PTPRG: variants seen among roughly 807,000 people sequenced by gnomAD.
The protein encoded by PTPRG is protein tyrosine phosphatase receptor type G, also known as receptor-type tyrosine-protein phosphatase gamma.
Under a neutral mutation model 165.3 loss-of-function variants are expected in PTPRG, and 102 were observed. That is an observed-to-expected ratio of 0.62 (90% CI 0.53 to 0.73). PTPRG has a LOEUF of 0.73. Ranked by LOEUF, PTPRG falls within the 30% of genes least tolerant of loss-of-function variation. PTPRG has a pLI of 0.00. For synonymous variants in PTPRG, 675 were observed against 669.5 expected, an observed-to-expected ratio of 1.01 and a Z score of -0.13; for missense variants, 1,866 against 1,861.4, an observed-to-expected ratio of 1.00 and a Z score of -0.05.
At chr3:61,707,653 T>C (rs976489112) in intron 1 of PTPRG, among the ~76,000 whole-genome samples, 3 of 152,228 alleles carry the variant, frequency 2.0e-5, no homozygotes. Context: ...ATTCAAATGT[T>C]AATCTCATCC....
intron 6 of PTPRG, among the ~76,000 whole-genome samples, chr3:62,151,483 CTT>C (rs965119422): frequency 2.6e-5 from 4 of 151,940 alleles, no homozygotes; most frequent in East Asian, 1.9e-4. Context: ...ATTTGAATAA[CTT>C]TGAATTTAGC....
rs1257278764 is a variant in PTPRG, at chr3:62,271,820, A to G, written c.3182+265A>G. Among the ~76,000 whole-genome samples the G allele has an allele frequency of 6.6e-6, 1 of 152,176 alleles. No individual in the cohort carries two copies. Among genetic ancestry groups the G allele is most frequent in the Non-Finnish European group, 1.5e-5 (1 of 68,022 alleles). ...TATTAATAATATCAGCCAGGCATGGAGGCCAACTCCTGTAATCCCAGCACT... is the reference window on the plus strand; with the variant it reads ...TATTAATAATATCAGCCAGGCATGGGGGCCAACTCCTGTAATCCCAGCACT... On this transcript the variant is annotated intron_variant, in intron 21 of 29. Transcript: ENST00000474889. This position sits in a 1 kb window ranked among gnomAD's most constrained non-coding sequence, Gnocchi z 4.1.
chr3:61,777,472 C>A (rs912649822), intron 2 of PTPRG, among the ~76,000 whole-genome samples: 10 of 152,180 alleles, frequency 6.6e-5, no homozygotes, highest in African/African-American at 2.4e-4. Context: ...ATTTTCTAGG[C>A]CCTGGGAATA....
intron 5 of PTPRG, among the ~76,000 whole-genome samples, chr3:62,095,071 A>T (rs1702065375): frequency 6.6e-6 from 1 of 152,228 alleles, no homozygotes; most frequent in Admixed American, 6.5e-5. Flanking sequence ...TCAGGCAAAC[A>T]TGTAAAATCA....
intron 5 of PTPRG, among the ~76,000 whole-genome samples, chr3:62,102,099 A>G (rs1702308142): frequency 6.6e-6 from 1 of 152,164 alleles, no homozygotes; most frequent in African/African-American, 2.4e-5. Flanking sequence ...TTTTGGTAGC[A>G]GGATAGAGGC....
chr3:61,803,062 A>G, intron 2 of PTPRG, among the ~76,000 whole-genome samples: 1 of 152,310 alleles, frequency 6.6e-6, no homozygotes, highest in East Asian at 1.9e-4. Flanking sequence ...ATTTGTTTAC[A>G]TATTATCCAT....
chr3:62,272,244 T>C (rs1702091498), intron 21 of PTPRG, among the ~76,000 whole-genome samples: 1 of 152,216 alleles, frequency 6.6e-6, no homozygotes, highest in Non-Finnish European at 1.5e-5. Context: ...TTCTGAAAGG[T>C]TCTTCTAAAT....
intron 1 of PTPRG, among the ~76,000 whole-genome samples, chr3:61,623,741 TAAA>T (rs973631483): frequency 6.6e-6 from 1 of 152,082 alleles, no homozygotes; most frequent in African/African-American, 2.4e-5. Flanking sequence ...AAGGAGCAAT[TAAA>T]GAAGACACAA....
chr3:62,041,372 G>A (rs1457986914), intron 4 of PTPRG, among the ~76,000 whole-genome samples: 1 of 152,056 alleles, frequency 6.6e-6, no homozygotes, highest in Admixed American at 6.6e-5. Flanking sequence ...CTTTTTTCAT[G>A]GGTGAGCAGA....
At chr3:61,897,583 A>G (rs1444126625) in intron 2 of PTPRG, among the ~76,000 whole-genome samples, 1 of 152,166 alleles carries the variant, frequency 6.6e-6, no homozygotes, top group African/African-American at 2.4e-5. Context: ...GTGCTATTCT[A>G]TAGAAGTTTT....
chr3:61,584,422 T>C (rs1192356170), intron 1 of PTPRG, among the ~76,000 whole-genome samples: 2 of 151,892 alleles, frequency 1.3e-5, no homozygotes, highest in Non-Finnish European at 2.9e-5. Context: ...TCCTCTCTCT[T>C]ATCGTATCTT....
chr3:61,639,758 TG>T (rs1438161065), intron 1 of PTPRG, among the ~76,000 whole-genome samples: 2 of 152,210 alleles, frequency 1.3e-5, no homozygotes, highest in Non-Finnish European at 2.9e-5. Flanking sequence ...ACATTAATTT[TG>T]TATCTCGAAA....
chr3:61,575,401 T>A (rs1553637250), intron 1 of PTPRG, among the ~76,000 whole-genome samples: 1 of 151,380 alleles, frequency 6.6e-6, no homozygotes, highest in Non-Finnish European at 1.5e-5. Context: ...AATGTGTATT[T>A]AAAAAAAAAT....
At chr3:61,773,161 T>A (rs1213860748) in intron 2 of PTPRG, among the ~76,000 whole-genome samples, 1 of 152,096 alleles carries the variant, frequency 6.6e-6, no homozygotes, top group Non-Finnish European at 1.5e-5. Flanking sequence ...TGCAGAGGGG[T>A]TGAATGTATG....
chr3:62,080,682 T>C (rs1701541020), intron 5 of PTPRG, among the ~76,000 whole-genome samples: 1 of 152,212 alleles, frequency 6.6e-6, no homozygotes. Flanking sequence ...AGGACTAGTT[T>C]ATGGCATGCT....
chr3:62,269,163 G>T lies in PTPRG; in HGVS notation c.3003G>T (p.Val1001=), dbSNP rs763270072. The change falls in exon 20 of 30, where the codon GTG becomes GTT. Residue 1001 remains valine (V), a synonymous_variant. Transcript: ENST00000474889. ...GTTTTTCAATCAGAAATACAAAAGT[G>T]AAAAAGGTATGGAAGGAATTGGGTA... The part of the protein sequence containing the change: ...VRRFSIRNTK[V]KKGQKGNPKG... 1 of 1,577,248 alleles carries T rather than the reference G, an allele frequency of 6.3e-7. No homozygotes were observed. The highest frequency in any genetic ancestry group is 8.7e-7 in the Non-Finnish European group (1 of 1,154,268).
chr3:62,191,439 C>T, intron 8 of PTPRG, 30 bp from the exon 9 acceptor site: 6 of 1,604,506 alleles, frequency 3.7e-6, no homozygotes, highest in South Asian at 1.1e-5. Flanking sequence ...GTTCTGAAAG[C>T]TCCCTGAGCT....
intron 4 of PTPRG, among the ~76,000 whole-genome samples, chr3:62,050,148 A>G (rs17065786): frequency 0.018 from 2,808 of 152,258 alleles, 75 homozygotes; most frequent in African/African-American, 0.065. Context: ...GGATAAAGAG[A>G]CTCTTGACTG....
intron 4 of PTPRG, among the ~76,000 whole-genome samples, chr3:62,007,710 G>T (rs2041329029): frequency 6.6e-6 from 1 of 152,210 alleles, no homozygotes. Flanking sequence ...TTGTGTTATA[G>T]TCTGAAGTAG....
Sources: gnomAD v4.1 joint callset for allele counts (sites outside exome capture counted in the v4.1 genomes callset) on GRCh38, gnomAD v4.1.1 for gene constraint, Gnocchi (gnomAD v3.1) non-coding constraint, MANE v1.5 for transcripts, NCBI Gene and HGNC (gene_info 2026-07-23, HGNC 2026-07-21) for gene names.